NCOR1: variants seen among roughly 807,000 people sequenced by gnomAD.
NCOR1 encodes protein phosphatase 1, regulatory subunit 109.
NCOR1 carries 63 observed loss-of-function variants against 288.1 expected under a neutral mutation model. The ratio of observed to expected loss-of-function variants is 0.22; its 90% CI spans 0.18 to 0.27. NCOR1 has a LOEUF of 0.27. NCOR1 is among the 10% of genes least tolerant of loss of function. NCOR1 has a pLI of 1.00. For missense variants in NCOR1, 2,397 were observed against 3,019.2 expected (o/e 0.79, Z 4.83); for synonymous variants, 1,007 against 1,065.9 (o/e 0.94, Z 1.08).
intron 14 of NCOR1, among the ~76,000 whole-genome samples, chr17:16,135,463 C>A (rs1208468835): frequency 6.6e-6 from 1 of 152,148 alleles, no homozygotes; most frequent in Non-Finnish European, 1.5e-5. Flanking sequence ...CTTCTCTGAT[C>A]CTCATTAGCC....
Position 16,058,009 on chromosome 17 carries a change from T to C in NCOR1, c.6066A>G (p.Glu2022=). Residue 2022 remains glutamate (E), a synonymous_variant, in exon 39 of 46, where the codon GAA becomes GAG. Coordinates refer to ENST00000268712, the MANE Select transcript of NCOR1 (RefSeq NM_006311.4). ...GCAGCTGTTGTTGGGGAGATGGTGA[T>C]TCCTGCTGTGGTCGATAGTGATGTA... ...GPLHHYRPQQ[E]SPSPQQQLPP... The C allele has an allele frequency of 3.7e-6, 6 of 1,614,194 alleles. No homozygotes were observed. Among genetic ancestry groups the C allele is most frequent in the Non-Finnish European group, 5.1e-6 (6 of 1,180,016 alleles).
At chr17:16,131,980 C>T (rs2075716119) in intron 14 of NCOR1, among the ~76,000 whole-genome samples, 2 of 152,156 alleles carry the variant, frequency 1.3e-5, no homozygotes, top group African/African-American at 4.8e-5. Flanking sequence ...CACATAGGTA[C>T]AATTGGGCAG....
chr17:16,151,219 GAT>G (rs1568346234), intron 8 of NCOR1, among the ~76,000 whole-genome samples: 1 of 143,250 alleles, frequency 7.0e-6, no homozygotes, highest in South Asian at 2.2e-4. Context: ...TTAAAAAAAA[GAT>G]ATCTATCTAG....
At chr17:16,166,953 T>C (rs1310717445) in intron 4 of NCOR1, among the ~76,000 whole-genome samples, 2 of 152,208 alleles carry the variant, frequency 1.3e-5, no homozygotes, top group African/African-American at 4.8e-5. Flanking sequence ...TCTCTTTCAT[T>C]ATGAGACAGC....
At chr17:16,207,496 C>T (rs2091650964) in intron 1 of NCOR1, among the ~76,000 whole-genome samples, 5 of 152,102 alleles carry the variant, frequency 3.3e-5, no homozygotes, top group Admixed American at 3.3e-4. Flanking sequence ...AATCCCAGCA[C>T]TTTGGGAGGC....
intron 42 of NCOR1, among the ~76,000 whole-genome samples, chr17:16,041,942 T>C (rs1276723006): frequency 6.6e-6 from 1 of 151,954 alleles, no homozygotes; most frequent in East Asian, 1.9e-4. Context: ...TTCACCGTGT[T>C]AGCCAGGATG....
intron 1 of NCOR1, among the ~76,000 whole-genome samples, chr17:16,197,740 T>C (rs1255966627): frequency 6.6e-6 from 1 of 152,148 alleles, no homozygotes; most frequent in African/African-American, 2.4e-5. Context: ...CCTGAGGAGC[T>C]TTCTCCTCAT....
intron 3 of NCOR1, among the ~76,000 whole-genome samples, 181 bp downstream of exon 3, chr17:16,186,373 T>C (rs1420365263): frequency 2.6e-5 from 4 of 152,064 alleles, no homozygotes; most frequent in East Asian, 1.9e-4. Context: ...TGCCAAACTA[T>C]GGAAACAAGT....
At chr17:16,211,850 A>G (rs1166392860) in intron 1 of NCOR1, among the ~76,000 whole-genome samples, 1 of 152,212 alleles carries the variant, frequency 6.6e-6, no homozygotes, top group East Asian at 1.9e-4. Context: ...TTATTACTAC[A>G]TTACAGAAGC....
At chr17:16,120,574 A>G (rs2072787774) in intron 16 of NCOR1, among the ~76,000 whole-genome samples, 1 of 152,188 alleles carries the variant, frequency 6.6e-6, no homozygotes, top group African/African-American at 2.4e-5. Context: ...AGAGAGAGAA[A>G]GATGCTTTGA....
At chr17:16,161,544 G>T (rs1686209097) in intron 5 of NCOR1, among the ~76,000 whole-genome samples, 1 of 152,154 alleles carries the variant, frequency 6.6e-6, no homozygotes, top group African/African-American at 2.4e-5. Context: ...GATCTGGCCT[G>T]CCTCGGCCTC....
In NCOR1 at chr17:16,165,081, T is replaced by C. The variant is rs1479690012; in HGVS notation, c.516A>G (p.Ser172=). The C allele has an allele frequency of 1.2e-6, 2 of 1,611,498 alleles. No homozygotes were observed. The highest frequency in any genetic ancestry group is 1.7e-6 in the Non-Finnish European group (2 of 1,179,402). Residue 172 remains serine, a synonymous_variant, in exon 5 of 46, where the codon TCA becomes TCG. Coordinates refer to ENST00000268712, the MANE Select transcript of NCOR1 (RefSeq NM_006311.4). The stretch of plus-strand genomic sequence containing the variant: ...ACTCTTCCTTTGAGAGTTTTGAAGG[T>C]GAAGCATTTTGATCATCTCCACATG... ...GQPCGDDQNA[S]PSKLSKEELI...
chr17:16,144,723 CTCTCT>C (rs1240873438), intron 10 of NCOR1, among the ~76,000 whole-genome samples: 2 of 151,558 alleles, frequency 1.3e-5, no homozygotes, highest in East Asian at 3.9e-4. Context: ...CCCTCTCCCT[CTCTCT>C]CCTCTCCCTC....
At chr17:16,177,097 T>C (rs1307418127) in intron 3 of NCOR1, among the ~76,000 whole-genome samples, 5 of 152,022 alleles carry the variant, frequency 3.3e-5, no homozygotes, top group African/African-American at 7.3e-5. Context: ...TCACTCTAAT[T>C]ATATCAAGAC....
rs770726844 is a variant in NCOR1, at chr17:16,064,132, C to CTCCCGT, written c.5151_5156dup (p.Arg1720_Glu1721dup). 18 of 1,614,104 alleles carry CTCCCGT rather than the reference C, an allele frequency of 1.1e-5. No homozygotes were observed. The highest frequency in any genetic ancestry group is 2.2e-5 in the South Asian group (2 of 91,082). On this transcript the variant is annotated inframe_insertion, in exon 35 of 46. Coordinates refer to ENST00000268712, the MANE Select transcript of NCOR1 (RefSeq NM_006311.4). ...GTTCCCGCTCCCGCTCCTTCTCCCG[C>CTCCCGT]TCCCGTTCCCGTTCCCTCTCAGCAC...
rs568429787 is a variant in NCOR1, at chr17:16,110,478, G to GT, written c.2056-1567dup. On this transcript the variant is annotated intron_variant, in intron 18 of 45. Coordinates refer to ENST00000268712, the MANE Select transcript of NCOR1 (RefSeq NM_006311.4). ...ATTCTTCTACTGGGGTCGCATATAC[G>GT]TAAGAGTACATGTGTACACATTTAA... Among the ~76,000 whole-genome samples, 821 of 152,180 alleles carry GT rather than the reference G, an allele frequency of 5.4e-3. 6 individuals are homozygous for GT. The highest frequency in any genetic ancestry group is 0.019 in the African/African-American group (778 of 41,512).
At chr17:16,179,394 C>T (rs1007158385) in intron 3 of NCOR1, among the ~76,000 whole-genome samples, 1 of 151,936 alleles carries the variant, frequency 6.6e-6, no homozygotes, top group African/African-American at 2.4e-5. Flanking sequence ...CCTAGAAAAA[C>T]ACAACCTACC....
chr17:16,140,849 C>T (rs1295537140), intron 11 of NCOR1, among the ~76,000 whole-genome samples: 2 of 151,636 alleles, frequency 1.3e-5, no homozygotes, highest in Admixed American at 6.6e-5. Context: ...AAAAGTTAGC[C>T]GGGCGTAGTG....
intron 40 of NCOR1, among the ~76,000 whole-genome samples, chr17:16,056,382 G>A (rs750207269): frequency 2.3e-4 from 32 of 139,572 alleles, no homozygotes; most frequent in Admixed American, 1.6e-4. Flanking sequence ...GCATGATCTC[G>A]GGTTCAAGTG....
Sources: gnomAD v4.1 joint callset for allele counts (sites outside exome capture counted in the v4.1 genomes callset) on GRCh38, gnomAD v4.1.1 for gene constraint, MANE v1.5 for transcripts, NCBI Gene and HGNC (gene_info 2026-07-23, HGNC 2026-07-21) for gene names.